SLC6A9: variants seen among roughly 807,000 people sequenced by gnomAD.
SLC6A9 encodes solute carrier family 6 member 9.
In SLC6A9, 31 loss-of-function variants were observed where a neutral mutation model predicts 70.9. The observed-to-expected ratio is 0.44, with a 90% CI of 0.33 to 0.59. SLC6A9 has a LOEUF of 0.59. SLC6A9 is among the 20% of genes least tolerant of loss of function. The pLI, the probability that SLC6A9 is intolerant of heterozygous loss-of-function variation, is 0.04. For synonymous variants in SLC6A9, 310 were observed against 341.3 expected (o/e 0.91, Z 1.01); for missense variants, 631 against 845.2 (o/e 0.75, Z 3.14).
Position 44,024,244 on chromosome 1 carries a change from T to A in SLC6A9, c.30+4A>T, listed in dbSNP as rs201886904. On this transcript the variant is annotated splice_donor_region_variant and intron_variant, in intron 2 of 13. Transcript: ENST00000372310. ...CCTTCCCGCAGTCTGGCCTCTGTAC[T>A]CACCAGCATCCCTTTGGCACCTTTT... is the stretch of plus-strand genomic sequence containing the variant. 5.0e-6 allele frequency: 8 copies of A among 1,614,090 alleles called. No individual in the cohort carries two copies. Among genetic ancestry groups the A allele is most frequent in the Non-Finnish European group, 4.2e-6 (5 of 1,180,010 alleles).
Position 44,030,965 on chromosome 1 carries a change from GC to G in SLC6A9, c.-86+340del, listed in dbSNP as rs536709171. ...GCTACCCGCACAGCCTGCGCCCGCCGCCCCCGATCGAACCGGCGTCTGGCGC... is the reference window on the plus strand; with the variant it reads ...GCTACCCGCACAGCCTGCGCCCGCCGCCCCGATCGAACCGGCGTCTGGCGC... On this transcript the variant is annotated intron_variant, in intron 1 of 13. Coordinates refer to ENST00000372310, the MANE Select transcript of SLC6A9 (RefSeq NM_001024845.3). Among the ~76,000 whole-genome samples the G allele has an allele frequency of 1.8e-3, 266 of 151,818 alleles. 1 individual carries two copies. Among genetic ancestry groups the G allele is most frequent in the African/African-American group, 6.4e-3 (263 of 41,402 alleles).
At chr1:44,000,150 G>A (rs2086037494) in intron 12 of SLC6A9, among the ~76,000 whole-genome samples, 2 of 152,204 alleles carry the variant, frequency 1.3e-5, no homozygotes, top group Non-Finnish European at 2.9e-5. Flanking sequence ...GCTCTATCAC[G>A]GGTTACATGG....
chr1:44,024,535 C>A (rs1162175153), intron 1 of SLC6A9, among the ~76,000 whole-genome samples, 173 bp from the exon 2 acceptor site: 1 of 152,268 alleles, frequency 6.6e-6, no homozygotes, highest in Non-Finnish European at 1.5e-5. Context: ...CCAGTCCCCC[C>A]AACCTTTCCC....
At chr1:44,007,567 T>A (rs1198974709) in intron 5 of SLC6A9, among the ~76,000 whole-genome samples, 1 of 152,210 alleles carries the variant, frequency 6.6e-6, no homozygotes, top group African/African-American at 2.4e-5. Flanking sequence ...AGACCTTCCA[T>A]GGCGTCTTTT....
At chr1:44,017,263 C>T in intron 2 of SLC6A9, 1 of 1,499,684 alleles carries the variant, frequency 6.7e-7, no homozygotes, top group East Asian at 2.6e-5. Context: ...CTGGCCCTGC[C>T]CCTCCGGCCA....
chr1:44,008,301 G>C (rs1235899822), intron 5 of SLC6A9, 52 bp downstream of exon 5: 1 of 1,587,264 alleles, frequency 6.3e-7, no homozygotes. Context: ...TGCCCAGTGG[G>C]GACAGGGTTG....
chr1:43,998,955 G>A (rs1013190452), intron 12 of SLC6A9, among the ~76,000 whole-genome samples: 2 of 126,938 alleles, frequency 1.6e-5, no homozygotes, highest in African/African-American at 3.0e-5. Context: ...AGTGGCTGGC[G>A]GGCCACCCAG....
rs775860231 is a variant in SLC6A9 at position 44,010,710 on chromosome 1, T to TGTGCTCACTGGGTACCTCCCCC, written c.187+15_187+16insGGGGGAGGTACCCAGTGAGCAC. On this transcript the variant is annotated intron_variant, in intron 3 of 13. Coordinates refer to ENST00000372310, the MANE Select transcript of SLC6A9 (RefSeq NM_001024845.3). Reference sequence around the variant, plus strand: ...CTACCCAAGTGGGTGGTCCCTGCCCTGTGCCCACTGGGTACCTCCCCCGTT... The same window carrying TGTGCTCACTGGGTACCTCCCCC: ...CTACCCAAGTGGGTGGTCCCTGCCCTGTGCTCACTGGGTACCTCCCCCGTGCCCACTGGGTACCTCCCCCGTT... 664 of 1,613,174 alleles carry TGTGCTCACTGGGTACCTCCCCC rather than the reference T, an allele frequency of 4.1e-4. 7 individuals carry two copies. Among genetic ancestry groups the TGTGCTCACTGGGTACCTCCCCC allele is most frequent in the Middle Eastern group, 2.5e-3 (15 of 6,048 alleles).
intron 2 of SLC6A9, chr1:44,017,216 ACCT>A (rs2086780551): frequency 6.5e-7 from 1 of 1,529,006 alleles, no homozygotes; most frequent in African/African-American, 1.4e-5. Context: ...AATTACTTTC[ACCT>A]CATCTCCTCC....
intron 2 of SLC6A9, among the ~76,000 whole-genome samples, chr1:44,014,356 G>A (rs574570315): frequency 1.3e-5 from 2 of 152,084 alleles, no homozygotes; most frequent in South Asian, 4.2e-4. Flanking sequence ...TCCAGGACAG[G>A]ACTACCCTGC....
rs2086569952 is a variant in SLC6A9, at chr1:44,011,543, G to A, written c.31-661C>T. On this transcript the variant is annotated intron_variant, in intron 2 of 13. Coordinates refer to ENST00000372310, the MANE Select transcript of SLC6A9 (RefSeq NM_001024845.3). ...AGCTACACTGCCCATGGCTGGGGAG[G>A]GGCCCTGGGGAGCTGACCTGGGCCA... is the stretch of plus-strand genomic sequence containing the variant. The A allele has an allele frequency of 1.9e-6, 3 of 1,610,318 alleles. No homozygotes were observed. In the African/African-American group the frequency reaches 4.0e-5, roughly 22 times the overall value.
Position 44,000,751 on chromosome 1 carries a change from C to T in SLC6A9, c.1536+16G>A, listed in dbSNP as rs758535416. 61 of 1,546,662 alleles carry T rather than the reference C, an allele frequency of 3.9e-5. No individual in the cohort carries two copies. The highest frequency in any genetic ancestry group is 3.5e-4 in the South Asian group (30 of 85,392). Reference sequence around the variant, plus strand: ...AGGGGCAGCGGGGGAAGGGAGGGGCCGGCCAGGGAACTCACGAAGATGATG... The same window carrying T: ...AGGGGCAGCGGGGGAAGGGAGGGGCTGGCCAGGGAACTCACGAAGATGATG... On this transcript the variant is annotated intron_variant, in intron 12 of 13. Coordinates refer to ENST00000372310, the MANE Select transcript of SLC6A9 (RefSeq NM_001024845.3).
At chr1:44,016,923 T>C in intron 2 of SLC6A9, 8 of 984,044 alleles carry the variant, frequency 8.1e-6, no homozygotes, top group Non-Finnish European at 1.2e-5. Context: ...GTGTCTGTCT[T>C]GCTTGCTGGC....
chr1:44,028,396 C>A (rs2087020770), intron 1 of SLC6A9, among the ~76,000 whole-genome samples: 1 of 152,176 alleles, frequency 6.6e-6, no homozygotes, highest in South Asian at 2.1e-4. Context: ...AAACCATCCC[C>A]CTAGATACAG....
intron 1 of SLC6A9, among the ~76,000 whole-genome samples, chr1:44,028,777 GA>G (rs2087032075): frequency 6.7e-6 from 1 of 149,360 alleles, no homozygotes; most frequent in East Asian, 1.9e-4. Context: ...AAAGAAAAAA[GA>G]AAGAGAGAGA....
At position 44,025,799 on chromosome 1, in the gene SLC6A9, C is replaced by CA. The variant is rs1319474277; in HGVS notation, c.-85-1438dup. Among the ~76,000 whole-genome samples, 1,020 of 114,226 alleles carry CA rather than the reference C, an allele frequency of 8.9e-3. 8 individuals carry two copies. Among genetic ancestry groups the CA allele is most frequent in the African/African-American group, 0.026 (794 of 31,022 alleles). 74.9% of individuals were successfully genotyped at this position (114,226 alleles called of 152,430 possible). A position where few individuals can be genotyped will look rare whatever the true frequency, so the allele number is the denominator to read the frequency against. On this transcript the variant is annotated intron_variant, in intron 1 of 13. Coordinates refer to ENST00000372310, the MANE Select transcript of SLC6A9 (RefSeq NM_001024845.3). ...TGGGTGACAGAGCAAGACTCCGTCTCAAAAAAAAAAAAAAAGAATTGACTC... is the reference window on the plus strand; with the variant it reads ...TGGGTGACAGAGCAAGACTCCGTCTCAAAAAAAAAAAAAAAAGAATTGACTC...
At chr1:44,011,727 A>G (rs368051777) in intron 2 of SLC6A9, 2 of 1,613,656 alleles carry the variant, frequency 1.2e-6, no homozygotes, top group African/African-American at 2.7e-5. Flanking sequence ...CGTCACCTGC[A>G]GGGGAGGGGG....
chr1:44,029,749 C>T (rs148288045), intron 1 of SLC6A9, among the ~76,000 whole-genome samples: 102 of 152,278 alleles, frequency 6.7e-4, no homozygotes, highest in African/African-American at 2.5e-3. Context: ...CAGGTACAGC[C>T]GCAGTCGCCG....
intron 1 of SLC6A9, among the ~76,000 whole-genome samples, chr1:44,030,823 G>A (rs1353199933): frequency 6.6e-6 from 1 of 152,146 alleles, no homozygotes; most frequent in African/African-American, 2.4e-5. Context: ...AGAGGCGATG[G>A]AGCGAGCGGG....
Sources: gnomAD v4.1 joint callset for allele counts (sites outside exome capture counted in the v4.1 genomes callset) on GRCh38, gnomAD v4.1.1 for gene constraint, MANE v1.5 for transcripts, NCBI Gene and HGNC (gene_info 2026-07-23, HGNC 2026-07-21) for gene names.